Variants in DCDC1 observed in about 807,000 individuals in gnomAD.
DCDC1 encodes doublecortin domain-containing protein 1.
A neutral mutation model predicts 178.3 loss-of-function variants in DCDC1; 200 were observed. That is an observed-to-expected ratio of 1.12 (90% CI 1.00 to 1.26). The LOEUF is 1.26. Among genes scored for constraint, DCDC1 ranks in the 50% most tolerant of loss-of-function variants. DCDC1 has a pLI of 0.00. For synonymous variants in DCDC1, 690 were observed against 604.8 expected (o/e 1.14, Z -2.07); for missense variants, 1,983 against 1,749.2 (o/e 1.13, Z -2.38).
chr11:31,146,371 C>A (rs1964454810), intron 9 of DCDC1, among the ~76,000 whole-genome samples: 1 of 152,152 alleles, frequency 6.6e-6, no homozygotes, highest in African/African-American at 2.4e-5. Flanking sequence ...TAGGTGTGAG[C>A]CACCATGCCC....
intron 21 of DCDC1, among the ~76,000 whole-genome samples, chr11:30,950,829 A>G (rs1326826053): frequency 6.6e-6 from 1 of 152,086 alleles, no homozygotes; most frequent in Non-Finnish European, 1.5e-5. Flanking sequence ...AATTTACTGT[A>G]TATTTTTAAA....
chr11:30,896,448 G>T (rs181076960), intron 34 of DCDC1, among the ~76,000 whole-genome samples: 1 of 152,258 alleles, frequency 6.6e-6, no homozygotes, highest in African/African-American at 2.4e-5. Context: ...CAAGTGCTTT[G>T]CTGTTTTTTC....
chr11:31,291,307 C>T (rs1276813296), intron 6 of DCDC1, among the ~76,000 whole-genome samples: 1 of 152,042 alleles, frequency 6.6e-6, no homozygotes, highest in South Asian at 2.1e-4. Context: ...TTTAAAGATG[C>T]TGACCTCCAA....
At chr11:31,132,414 A>C (rs2135964413) in intron 10 of DCDC1, among the ~76,000 whole-genome samples, 1 of 152,368 alleles carries the variant, frequency 6.6e-6, no homozygotes, top group African/African-American at 2.4e-5. Context: ...AATACTCATG[A>C]ATTATTTTAC....
chr11:31,160,829 C>A (rs1966249332), intron 9 of DCDC1, among the ~76,000 whole-genome samples: 1 of 152,090 alleles, frequency 6.6e-6, no homozygotes, highest in African/African-American at 2.4e-5. Flanking sequence ...TTTCCTGGAC[C>A]CATTTCCTTA....
intron 18 of DCDC1, among the ~76,000 whole-genome samples, chr11:31,075,129 T>C (rs1043961766): frequency 6.6e-6 from 1 of 152,208 alleles, no homozygotes; most frequent in Non-Finnish European, 1.5e-5. Context: ...CTTCCACCTA[T>C]AAGTGAGAAC....
chr11:31,179,393 A>G (rs1968485780), intron 9 of DCDC1, among the ~76,000 whole-genome samples: 1 of 152,236 alleles, frequency 6.6e-6, no homozygotes, highest in African/African-American at 2.4e-5. Flanking sequence ...TTGTAGCACT[A>G]TTCACAACAG....
intron 29 of DCDC1, 55 bp downstream of exon 29, chr11:30,908,891 A>G (rs1945258950): frequency 6.9e-7 from 1 of 1,451,836 alleles, no homozygotes; most frequent in Non-Finnish European, 9.1e-7. Context: ...ATTTTATTAA[A>G]TTACTCTCTT....
chr11:30,891,451 T>C (rs1943765915), intron 36 of DCDC1, among the ~76,000 whole-genome samples: 1 of 152,182 alleles, frequency 6.6e-6, no homozygotes, highest in African/African-American at 2.4e-5. Context: ...CTGAATCTGA[T>C]AGGCTATCTT....
intron 12 of DCDC1, among the ~76,000 whole-genome samples, chr11:31,108,389 TTGAAA>T (rs1267740558): frequency 1.3e-5 from 2 of 152,228 alleles, no homozygotes; most frequent in African/African-American, 4.8e-5. Context: ...CAAACATATT[TTGAAA>T]TCTATAGATT....
chr11:31,231,976 T>G (rs1304137837), intron 9 of DCDC1, among the ~76,000 whole-genome samples: 1 of 152,228 alleles, frequency 6.6e-6, no homozygotes, highest in African/African-American at 2.4e-5. Context: ...CTCAATGACT[T>G]GCTTTCCCCA....
intron 3 of DCDC1, among the ~76,000 whole-genome samples, chr11:31,323,480 G>A (rs1300095542): frequency 6.6e-6 from 1 of 152,010 alleles, no homozygotes; most frequent in Admixed American, 6.6e-5. Context: ...TTCATTATTT[G>A]GTAGTCTCTT....
chr11:30,900,471 C>CT lies in DCDC1; in HGVS notation c.4537dup (p.Arg1513LysfsTer11), dbSNP rs1419884225. ...GGATGTCACAGATTTTGCAAATAAT[C>CT]TGTTTTTCACTTTCATTCTTGGATT... On this transcript the variant is annotated frameshift_variant, in exon 33 of 39. Coordinates refer to ENST00000684477, the MANE Select transcript of DCDC1 (RefSeq NM_001387274.1). LOFTEE classifies it high-confidence loss of function. The CT allele has an allele frequency of 6.5e-7, 1 of 1,545,834 alleles. No homozygotes were observed. The highest frequency in any genetic ancestry group is 1.9e-5 in the Admixed American group (1 of 52,758).
At chr11:30,897,759 T>G (rs1944350305) in intron 34 of DCDC1, among the ~76,000 whole-genome samples, 1 of 152,122 alleles carries the variant, frequency 6.6e-6, no homozygotes, top group Admixed American at 6.5e-5. Context: ...CATTTATTCT[T>G]TAAATCAGTC....
At chr11:31,213,719 C>CA (rs146677456) in intron 9 of DCDC1, among the ~76,000 whole-genome samples, 135 of 113,620 alleles carry the variant, frequency 1.2e-3, no homozygotes, top group Middle Eastern at 9.7e-3. Context: ...GACTCTGTCT[C>CA]AAAAAAAAAA....
chr11:31,228,963 T>G (rs1975380902), intron 9 of DCDC1, among the ~76,000 whole-genome samples: 1 of 152,052 alleles, frequency 6.6e-6, no homozygotes, highest in African/African-American at 2.4e-5. Flanking sequence ...ACTACCTGGG[T>G]GATGGGATCA....
At chr11:31,348,790 C>T (rs1950932951) in intron 1 of DCDC1, among the ~76,000 whole-genome samples, 1 of 152,180 alleles carries the variant, frequency 6.6e-6, no homozygotes, top group African/African-American at 2.4e-5. Context: ...AGAAGGCTAA[C>T]CATTCAATTC....
chr11:31,045,861 T>A (rs543334317), intron 20 of DCDC1, among the ~76,000 whole-genome samples: 12 of 152,326 alleles, frequency 7.9e-5, no homozygotes, highest in African/African-American at 2.6e-4. Context: ...TATAGATTCA[T>A]AGGCAGTTAC....
intron 21 of DCDC1, among the ~76,000 whole-genome samples, chr11:30,945,195 C>G (rs1947936125): frequency 6.6e-6 from 1 of 151,656 alleles, no homozygotes. Context: ...TCTCCAACTC[C>G]TGACCTCATG....
Sources: allele counts gnomAD v4.1 joint callset (sites outside exome capture counted in the v4.1 genomes callset), GRCh38; gene constraint gnomAD v4.1.1; transcripts MANE v1.5; gene names NCBI Gene and HGNC (gene_info 2026-07-23, HGNC 2026-07-21).